The following DMD variants were observed in gnomAD, a reference collection of about 807,000 sequenced individuals.
DMD encodes mutant dystrophin.
Under a neutral mutation model 330.1 loss-of-function variants are expected in DMD, and 63 were observed. The observed-to-expected ratio is 0.19, with a 90% confidence interval of 0.16 to 0.24. The LOEUF (loss-of-function observed/expected upper bound fraction) is 0.24, where lower values mean the gene tolerates loss of function less well. DMD is among the 10% of genes least tolerant of loss of function. The pLI is 1.00. For synonymous variants in DMD, 1,223 were observed against 959.8 expected (o/e 1.27, Z -5.07); for missense variants, 3,344 against 2,684.1 (o/e 1.25, Z -5.43).
At chrX:32,163,261 T>C (rs1252273802) in intron 44 of DMD, among the ~76,000 whole-genome samples, 1 of 111,956 alleles carries the variant, frequency 8.9e-6, no homozygotes, top group African/African-American at 3.3e-5. Context: ...CCTCTCATTG[T>C]TTTCACTGAA....
chrX:32,648,949 G>A (rs1035633990), intron 9 of DMD, among the ~76,000 whole-genome samples: 21 of 111,200 alleles, frequency 1.9e-4, no homozygotes, highest in South Asian at 3.8e-4. Flanking sequence ...GACCCCAATC[G>A]TTTCATGAAT....
intron 2 of DMD, among the ~76,000 whole-genome samples, chrX:32,898,668 T>A (rs2085947163): frequency 1.8e-5 from 2 of 111,996 alleles, no homozygotes; most frequent in Middle Eastern, 4.6e-3. Context: ...TATTGCCATG[T>A]CCTTTGTAAA....
chrX:32,652,815 C>G (rs974209532), intron 9 of DMD, among the ~76,000 whole-genome samples: 1 of 111,745 alleles, frequency 8.9e-6, no homozygotes, highest in Non-Finnish European at 1.9e-5. Flanking sequence ...CACATCCTCT[C>G]CAGCACCTGT....
chrX:32,989,480 C>CTA (rs1229877822), intron 2 of DMD, among the ~76,000 whole-genome samples: 21 of 111,580 alleles, frequency 1.9e-4, no homozygotes, highest in African/African-American at 6.5e-4. Flanking sequence ...GTTAGTGTTG[C>CTA]TAAAGTAAGA....
chrX:32,602,192 A>C (rs982924217), intron 12 of DMD, among the ~76,000 whole-genome samples: 6 of 111,944 alleles, frequency 5.4e-5, no homozygotes, highest in African/African-American at 1.6e-4. Flanking sequence ...ACCTCATCTG[A>C]TGGTTATCAC....
intron 9 of DMD, among the ~76,000 whole-genome samples, chrX:32,691,952 TACTC>T (rs757996395): frequency 9.0e-6 from 1 of 110,794 alleles, no homozygotes; most frequent in African/African-American, 3.3e-5. Flanking sequence ...GTATGTAAAA[TACTC>T]AAGCTGATCA....
intron 67 of DMD, among the ~76,000 whole-genome samples, chrX:31,197,099 C>T (rs1423242762): frequency 9.0e-6 from 1 of 111,615 alleles, no homozygotes; most frequent in African/African-American, 3.3e-5. Context: ...TCCACTACAG[C>T]TCTTAAGTGC....
intron 2 of DMD, among the ~76,000 whole-genome samples, chrX:33,002,850 GAAAAAAAAAAAAAA>G (rs145168802): frequency 5.2e-5 from 2 of 38,759 alleles, no homozygotes; most frequent in Admixed American, 4.3e-4. Context: ...TTTTTTTCTC[GAAAAAAAAAAAAAA>G]AAAAAAAAAA....
chrX:32,839,468 G>C (rs994527443), intron 4 of DMD, among the ~76,000 whole-genome samples: 2 of 111,725 alleles, frequency 1.8e-5, no homozygotes, highest in Non-Finnish European at 3.8e-5. Context: ...CACACAAAGG[G>C]TTGTGTTTGC....
At chrX:32,778,721 T>A (rs1436301760) in intron 7 of DMD, among the ~76,000 whole-genome samples, 1 of 111,686 alleles carries the variant, frequency 9.0e-6, no homozygotes, top group Non-Finnish European at 1.9e-5. Flanking sequence ...AGGTATAGTC[T>A]TTCTCAAATT....
chrX:32,830,000 T>A (rs1243456824), intron 4 of DMD, among the ~76,000 whole-genome samples: 1 of 111,911 alleles, frequency 8.9e-6, no homozygotes, highest in East Asian at 2.8e-4. Flanking sequence ...TTGTCTCTTG[T>A]ACATGTCTTC....
At chrX:31,687,133 A>C (rs2082735751) in intron 52 of DMD, among the ~76,000 whole-genome samples, 1 of 111,147 alleles carries the variant, frequency 9.0e-6, no homozygotes, top group Non-Finnish European at 1.9e-5. Context: ...GCTACTAACT[A>C]AAGAGGCCTT....
In DMD at chrX:32,660,264, G is replaced by A. The variant is rs7884333; in HGVS notation, c.961-15112C>T. ...AGTAAAAAAAAAACTCAAAATCAGG[G>A]TGGGCTAAGTGATAAGAGCAATCAC... On this transcript the variant is annotated intron_variant, in intron 9 of 78. Transcript: ENST00000357033. 4.9e-3 allele frequency among the ~76,000 whole-genome samples: 548 copies of A among 110,714 alleles called. 5 individuals are homozygous for A. The highest frequency in any genetic ancestry group is 0.017 in the African/African-American group (514 of 30,565).
intron 44 of DMD, among the ~76,000 whole-genome samples, chrX:32,143,021 G>A (rs2096760918): frequency 9.1e-6 from 1 of 110,494 alleles, no homozygotes; most frequent in African/African-American, 3.3e-5. Flanking sequence ...TGCATACACT[G>A]TTTGGAATAT....
intron 43 of DMD, among the ~76,000 whole-genome samples, chrX:32,280,154 ATATATATACAG>A (rs1221779854): frequency 0.02 from 326 of 16,051 alleles, no homozygotes; most frequent in African/African-American, 0.073. Flanking sequence ...GTATATATAT[ATATATATACAG>A]TATATATATA....
At chrX:31,188,411 G>A (rs1260651481) in intron 67 of DMD, among the ~76,000 whole-genome samples, 1 of 112,054 alleles carries the variant, frequency 8.9e-6, no homozygotes, top group African/African-American at 3.2e-5. Context: ...CAAAAGATAA[G>A]TATGATGGCA....
chrX:33,152,388 G>A (rs1248799261), intron 1 of DMD, among the ~76,000 whole-genome samples: 1 of 108,932 alleles, frequency 9.2e-6, no homozygotes, highest in Non-Finnish European at 1.9e-5. Flanking sequence ...TGGCCAGGCT[G>A]GTCTTGAACC....
intron 44 of DMD, among the ~76,000 whole-genome samples, chrX:32,133,242 G>A (rs909308412): frequency 9.1e-6 from 1 of 109,378 alleles, no homozygotes; most frequent in African/African-American, 3.4e-5. Flanking sequence ...TCCTGACCTC[G>A]TGATCTGCCC....
At chrX:32,796,035 GA>G (rs1245945167) in intron 7 of DMD, among the ~76,000 whole-genome samples, 5 of 111,438 alleles carry the variant, frequency 4.5e-5, no homozygotes, top group African/African-American at 1.6e-4. Flanking sequence ...AGCCACTATT[GA>G]AAACAGTATG....
Sources: allele counts gnomAD v4.1 joint callset (sites outside exome capture counted in the v4.1 genomes callset), GRCh38; gene constraint gnomAD v4.1.1; transcripts MANE v1.5; gene names NCBI Gene and HGNC (gene_info 2026-07-23, HGNC 2026-07-21).